The following LPGAT1 variants were observed in gnomAD, a reference collection of about 807,000 sequenced individuals.
LPGAT1 encodes the protein lysophosphatidylglycerol acyltransferase 1.
Under a neutral mutation model 47.5 loss-of-function variants are expected in LPGAT1, and 11 were observed. That is an observed-to-expected ratio of 0.23 (90% CI 0.15 to 0.38). The LOEUF (loss-of-function observed/expected upper bound fraction) is 0.38, where lower values mean the gene tolerates loss of function less well. Among genes scored for constraint, LPGAT1 ranks in the 10% least tolerant of loss-of-function variants. The pLI is 1.00. For synonymous variants in LPGAT1, 138 were observed against 144.2 expected, an observed-to-expected ratio of 0.96 and a Z score of 0.31; for missense variants, 293 against 439.0, an observed-to-expected ratio of 0.67 and a Z score of 2.97.
intron 6 of LPGAT1, among the ~76,000 whole-genome samples, chr1:211,778,291 G>A (rs540635682): frequency 1.5e-4 from 22 of 147,634 alleles, no homozygotes; most frequent in African/African-American, 4.8e-4. Flanking sequence ...GCAGTGAGCC[G>A]AGATCGCGCC....
intron 2 of LPGAT1, among the ~76,000 whole-genome samples, chr1:211,828,049 A>G (rs1296802693): frequency 3.9e-5 from 6 of 152,204 alleles, no homozygotes; most frequent in Non-Finnish European, 8.8e-5. Flanking sequence ...CCTAGGCAGG[A>G]AAGAGGGAGA....
chr1:211,823,143 T>C (rs1660419469), intron 2 of LPGAT1, among the ~76,000 whole-genome samples: 1 of 152,094 alleles, frequency 6.6e-6, no homozygotes, highest in African/African-American at 2.4e-5. Context: ...AATACAAAAA[T>C]CAACTTGTGG....
intron 3 of LPGAT1, among the ~76,000 whole-genome samples, chr1:211,788,244 TATTAG>T (rs1403331818): frequency 6.6e-6 from 1 of 152,200 alleles, no homozygotes; most frequent in East Asian, 1.9e-4. Flanking sequence ...GAAGAATATT[TATTAG>T]TTTATGTAAA....
chr1:211,747,093 C>G lies in LPGAT1; in HGVS notation c.*2806G>C, dbSNP rs1308677082. On this transcript the variant is annotated 3_prime_UTR_variant, in exon 8 of 8. Coordinates refer to ENST00000366997, the MANE Select transcript of LPGAT1 (RefSeq NM_014873.3). The stretch of plus-strand genomic sequence containing the variant: ...ACAAAATATATATACTTTAAACGTC[C>G]TTTCATCTCCCTTCACAAAGTACAA... The G allele has an allele frequency of 6.6e-6, 1 of 152,158 alleles. No individual in the cohort carries two copies. The allele number at this position is 152,158 out of a possible 1,614,324, so 9.4% of individuals were successfully genotyped here. A position where few individuals can be genotyped will look rare whatever the true frequency, so the allele number is the denominator to read the frequency against.
At chr1:211,758,520 G>A (rs551414424) in intron 6 of LPGAT1, among the ~76,000 whole-genome samples, 40 of 152,142 alleles carry the variant, frequency 2.6e-4, no homozygotes, top group African/African-American at 9.6e-4. Context: ...TGGCTAACAC[G>A]GTGAAACCCC....
intron 2 of LPGAT1, among the ~76,000 whole-genome samples, chr1:211,808,350 C>CA (rs34803941): frequency 0.077 from 9,388 of 122,616 alleles, 385 homozygotes; most frequent in Non-Finnish European, 0.1. Flanking sequence ...AACTCCGTCT[C>CA]AAAAAAAAAA....
At chr1:211,801,411 C>A (rs1659569705) in intron 2 of LPGAT1, among the ~76,000 whole-genome samples, 1 of 152,026 alleles carries the variant, frequency 6.6e-6, no homozygotes. Flanking sequence ...AATTTATTAC[C>A]CTTTGTTAAA....
intron 1 of LPGAT1, chr1:211,829,740 G>A: frequency 2.0e-6 from 2 of 1,007,900 alleles, no homozygotes; most frequent in Non-Finnish European, 2.4e-6. Flanking sequence ...AGATTTCCCA[G>A]ATACTGAGGA....
At chr1:211,782,551 C>A (rs1186335980) in intron 5 of LPGAT1, among the ~76,000 whole-genome samples, 1 of 152,108 alleles carries the variant, frequency 6.6e-6, no homozygotes, top group Non-Finnish European at 1.5e-5. Context: ...CTGGTCAACA[C>A]AGTGAGACCC....
At chr1:211,820,758 C>A (rs572903765) in intron 2 of LPGAT1, among the ~76,000 whole-genome samples, 1 of 151,692 alleles carries the variant, frequency 6.6e-6, no homozygotes, top group African/African-American at 2.4e-5. Flanking sequence ...AAAAGGAAAA[C>A]CAAAACAATG....
intron 2 of LPGAT1, among the ~76,000 whole-genome samples, chr1:211,823,035 G>A (rs1199367676): frequency 2.6e-5 from 4 of 152,172 alleles, no homozygotes; most frequent in African/African-American, 9.7e-5. Flanking sequence ...TGCATCTTCA[G>A]AAAGAGATTC....
chr1:211,814,351 C>T (rs1660098831), intron 2 of LPGAT1, among the ~76,000 whole-genome samples: 2 of 152,062 alleles, frequency 1.3e-5, no homozygotes, highest in Admixed American at 6.6e-5. Flanking sequence ...CAAGGTTAGA[C>T]AGGCAGGTAG....
At chr1:211,762,685 T>A (rs1288220435) in intron 6 of LPGAT1, among the ~76,000 whole-genome samples, 1 of 152,124 alleles carries the variant, frequency 6.6e-6, no homozygotes, top group Non-Finnish European at 1.5e-5. Flanking sequence ...TTTCAAGAAA[T>A]GAACATTCTT....
chr1:211,764,003 C>G (rs912194032), intron 6 of LPGAT1, among the ~76,000 whole-genome samples: 4 of 152,130 alleles, frequency 2.6e-5, no homozygotes, highest in African/African-American at 9.7e-5. Flanking sequence ...GAAACTCTGT[C>G]TCTACTAAAA....
intron 1 of LPGAT1, chr1:211,829,557 T>C: frequency 7.3e-7 from 1 of 1,361,218 alleles, no homozygotes; most frequent in Non-Finnish European, 9.5e-7. Flanking sequence ...TGTCACAATA[T>C]ATTTAGCAAA....
chr1:211,799,862 T>C (rs1383636276), intron 2 of LPGAT1, among the ~76,000 whole-genome samples: 2 of 152,200 alleles, frequency 1.3e-5, no homozygotes, highest in Non-Finnish European at 2.9e-5. Context: ...GTCTTCCCCA[T>C]CTTAGCAAAG....
At chr1:211,822,021 T>C (rs1471479997) in intron 2 of LPGAT1, among the ~76,000 whole-genome samples, 1 of 152,216 alleles carries the variant, frequency 6.6e-6, no homozygotes, top group African/African-American at 2.4e-5. Context: ...CCTAACTCCA[T>C]GCTGTATACT....
chr1:211,755,108 T>G (rs143929217), intron 6 of LPGAT1, among the ~76,000 whole-genome samples: 2,434 of 139,158 alleles, frequency 0.017, 28 homozygotes, highest in Non-Finnish European at 0.024. Flanking sequence ...GAGGCAGAGG[T>G]GGGTGGATCA....
intron 6 of LPGAT1, among the ~76,000 whole-genome samples, chr1:211,753,209 T>G (rs1393242347): frequency 6.6e-6 from 1 of 152,234 alleles, no homozygotes; most frequent in Non-Finnish European, 1.5e-5. Context: ...CTATACCTCA[T>G]GTCTCTTTCA....
Sources: allele counts gnomAD v4.1 joint callset (sites outside exome capture counted in the v4.1 genomes callset), GRCh38; gene constraint gnomAD v4.1.1; transcripts MANE v1.5; gene names NCBI Gene and HGNC (gene_info 2026-07-23, HGNC 2026-07-21).